SLCO3A1: variants seen among roughly 807,000 people sequenced by gnomAD.
The protein encoded by SLCO3A1 is PGE1 transporter.
A neutral mutation model predicts 63.1 loss-of-function variants in SLCO3A1; 27 were observed. The ratio of observed to expected loss-of-function variants is 0.43; its 90% CI spans 0.32 to 0.59. The LOEUF is 0.59. Among genes scored for constraint, SLCO3A1 ranks in the 20% least tolerant of loss-of-function variants. SLCO3A1 has a pLI of 0.09. For missense variants in SLCO3A1, 773 were observed against 945.8 expected (o/e 0.82, Z 2.40); for synonymous variants, 473 against 409.9 (o/e 1.15, Z -1.86).
intron 1 of SLCO3A1, among the ~76,000 whole-genome samples, chr15:91,910,708 G>T (rs1654908316): frequency 6.6e-6 from 1 of 152,166 alleles, no homozygotes; most frequent in Non-Finnish European, 1.5e-5. Flanking sequence ...AGGCTGCTCT[G>T]GTGTAAACAT....
At chr15:92,032,385 T>C (rs2046662300) in intron 2 of SLCO3A1, among the ~76,000 whole-genome samples, 1 of 151,946 alleles carries the variant, frequency 6.6e-6, no homozygotes, top group Non-Finnish European at 1.5e-5. Flanking sequence ...CAACACAGCA[T>C]TCTAGGTGGA....
downstream of SLCO3A1, among the ~76,000 whole-genome samples, chr15:92,170,313 C>T (rs1018966964): frequency 3.9e-5 from 6 of 152,122 alleles, no homozygotes; most frequent in African/African-American, 1.4e-4. Context: ...GGGAAGGGGC[C>T]AGGAAGCTCA....
intron 2 of SLCO3A1, among the ~76,000 whole-genome samples, chr15:91,931,254 C>G (rs1298077830): frequency 6.6e-6 from 1 of 152,156 alleles, no homozygotes; most frequent in African/African-American, 2.4e-5. Context: ...ATGCATTATG[C>G]AGGCAAAGAA....
rs1040414535 is a variant in SLCO3A1 at position 91,853,913 on chromosome 15, A to C, written c.5A>C (p.Gln2Pro). Residue 2 changes from glutamine (Q) to proline (P), a missense_variant, in exon 1 of 10, where the codon CAG becomes CCG. Around this residue, in one of 3 missense-constraint regions of SLCO3A1, gnomAD observed 69 missense variants for 64.6 expected, o/e 1.07. Transcript: ENST00000318445. The stretch of plus-strand genomic sequence containing the variant: ...GGCGGCGGCGGCGGGGGAAGGATGC[A>C]GGGGAAGAAGCCGGGCGGTTCGTCG... M[Q>P]GKKPGGSSGG... 2 of 1,426,120 alleles carry C rather than the reference A, an allele frequency of 1.4e-6. No homozygotes were observed. The highest frequency in any genetic ancestry group is 1.5e-5 in the African/African-American group (1 of 67,086). The allele number at this position is 1,426,120 out of a possible 1,614,324, so 88.3% of individuals were successfully genotyped here.
chr15:91,987,028 TC>T (rs2046061873), intron 2 of SLCO3A1, among the ~76,000 whole-genome samples: 1 of 152,150 alleles, frequency 6.6e-6, no homozygotes, highest in African/African-American at 2.4e-5. Context: ...AAGGACCATT[TC>T]TTACTCATCT....
chr15:91,854,631 C>T lies in SLCO3A1; in HGVS notation c.180+543C>T, dbSNP rs1179190697. On this transcript the variant is annotated intron_variant, in intron 1 of 9. Transcript: ENST00000318445. This position sits in a 1 kb window ranked among gnomAD's most constrained non-coding sequence, Gnocchi z 6.4. ...AGAGTGAAATGCGCCCTAGTGTGGC[C>T]CTGGCCTGAGCCGGGGCTGCAGGGG... Among the ~76,000 whole-genome samples the T allele has an allele frequency of 6.6e-6, 1 of 151,804 alleles. No individual in the cohort carries two copies. Among genetic ancestry groups the T allele is most frequent in the Admixed American group, 6.6e-5 (1 of 15,256 alleles).
intron 1 of SLCO3A1, among the ~76,000 whole-genome samples, chr15:91,906,563 G>A (rs531580450): frequency 6.6e-6 from 1 of 152,330 alleles, no homozygotes; most frequent in African/African-American, 2.4e-5. Flanking sequence ...GCGTGTGTGT[G>A]TGCATAAATC....
At chr15:92,074,277 C>T (rs1233009004) in intron 2 of SLCO3A1, among the ~76,000 whole-genome samples, 1 of 152,194 alleles carries the variant, frequency 6.6e-6, no homozygotes, top group Non-Finnish European at 1.5e-5. Flanking sequence ...GCTGCCTGCC[C>T]ATTGCTGATG....
downstream of SLCO3A1, among the ~76,000 whole-genome samples, chr15:92,167,825 A>G (rs534074410): frequency 1.4e-4 from 20 of 141,020 alleles, no homozygotes; most frequent in African/African-American, 5.6e-4. Context: ...TATCAAACCT[A>G]AAATGGAAAA....
chr15:91,866,001 G>T (rs1897155974), intron 1 of SLCO3A1, among the ~76,000 whole-genome samples: 1 of 152,152 alleles, frequency 6.6e-6, no homozygotes, highest in African/African-American at 2.4e-5. Flanking sequence ...CATACCCAAA[G>T]ATATCATTTC....
intron 1 of SLCO3A1, among the ~76,000 whole-genome samples, chr15:91,914,065 G>T (rs1045959689): frequency 6.6e-6 from 1 of 152,116 alleles, no homozygotes; most frequent in Non-Finnish European, 1.5e-5. Context: ...GGTTATAGCT[G>T]ACCCTTCCCT....
intron 2 of SLCO3A1, among the ~76,000 whole-genome samples, chr15:92,069,882 TTAAAAA>T (rs144681272): frequency 0.013 from 2,010 of 152,236 alleles, 42 homozygotes; most frequent in African/African-American, 0.046. Flanking sequence ...CCACAAAAGA[TTAAAAA>T]TAAAACGGGA....
At chr15:91,905,101 G>A (rs191508044) in intron 1 of SLCO3A1, among the ~76,000 whole-genome samples, 57 of 152,326 alleles carry the variant, frequency 3.7e-4, no homozygotes, top group Admixed American at 9.2e-4. Flanking sequence ...CTGCAGGCTT[G>A]GGTCTGAGAT....
At chr15:92,059,381 G>A (rs1368983695) in intron 2 of SLCO3A1, among the ~76,000 whole-genome samples, 1 of 152,154 alleles carries the variant, frequency 6.6e-6, no homozygotes, top group East Asian at 1.9e-4. Flanking sequence ...TTTGCAACCG[G>A]GGCACACACC....
intron 2 of SLCO3A1, among the ~76,000 whole-genome samples, chr15:92,049,960 A>G (rs976458075): frequency 6.6e-6 from 1 of 152,166 alleles, no homozygotes; most frequent in African/African-American, 2.4e-5. Flanking sequence ...AGGAGCAGCA[A>G]ATGTCAGCGG....
intron 3 of SLCO3A1, among the ~76,000 whole-genome samples, chr15:92,103,811 C>T (rs904539800): frequency 1.3e-4 from 19 of 151,888 alleles, no homozygotes; most frequent in African/African-American, 4.1e-4. Context: ...CCCTATTGTG[C>T]GCCTCCCCTT....
intron 2 of SLCO3A1, among the ~76,000 whole-genome samples, chr15:92,076,822 A>G (rs1297476408): frequency 6.6e-6 from 1 of 152,160 alleles, no homozygotes; most frequent in Non-Finnish European, 1.5e-5. Flanking sequence ...ATAGGGGATG[A>G]GTGTGATTTA....
intron 1 of SLCO3A1, among the ~76,000 whole-genome samples, chr15:91,913,606 GTTTTT>G (rs1469361467): frequency 6.6e-6 from 1 of 151,136 alleles, no homozygotes; most frequent in Admixed American, 6.6e-5. Flanking sequence ...TTTTTGGTTT[GTTTTT>G]TTAGTAACGG....
At chr15:91,871,814 A>AT (rs1224436263) in intron 1 of SLCO3A1, among the ~76,000 whole-genome samples, 9 of 42,766 alleles carry the variant, frequency 2.1e-4, no homozygotes, top group Admixed American at 9.4e-4. Context: ...TTCAGGTTTA[A>AT]TTTTTTTTTA....
Sources: allele counts gnomAD v4.1 joint callset (sites outside exome capture counted in the v4.1 genomes callset), GRCh38; gene constraint gnomAD v4.1.1; regional missense constraint gnomAD v4.1.1; non-coding constraint Gnocchi (gnomAD v3.1); transcripts MANE v1.5; gene names NCBI Gene and HGNC (gene_info 2026-07-23, HGNC 2026-07-21).